HELZ: variants seen among roughly 807,000 people sequenced by gnomAD.
The protein encoded by HELZ is ATP-dependent RNA helicase with zinc finger domain.
HELZ carries 23 observed loss-of-function variants against 218.2 expected under a neutral mutation model. The ratio of observed to expected loss-of-function variants is 0.11; its 90% confidence interval spans 0.08 to 0.15. The LOEUF is 0.15. Ranked by LOEUF, HELZ falls within the 10% of genes least tolerant of loss-of-function variation. The pLI is 1.00. For missense variants in HELZ, 1,813 were observed against 2,353.7 expected, an observed-to-expected ratio of 0.77 and a Z score of 4.75; for synonymous variants, 814 against 829.4, an observed-to-expected ratio of 0.98 and a Z score of 0.32.
At chr17:67,205,241 G>A (rs1165874929) in intron 5 of HELZ, among the ~76,000 whole-genome samples, 4 of 151,590 alleles carry the variant, frequency 2.6e-5, no homozygotes, top group Non-Finnish European at 2.9e-5. Context: ...CAGGAGAACC[G>A]CTTGAACCCA....
At chr17:67,102,040 T>A (rs1446745582) in intron 31 of HELZ, among the ~76,000 whole-genome samples, 1 of 152,250 alleles carries the variant, frequency 6.6e-6, no homozygotes, top group African/African-American at 2.4e-5. Context: ...GACCACAATG[T>A]CCAGCCTTAG....
chr17:67,167,820 T>C (rs1302896293), intron 13 of HELZ, 24 bp from the exon 14 acceptor site: 7 of 1,441,016 alleles, frequency 4.9e-6, no homozygotes, highest in Non-Finnish European at 6.7e-6. Flanking sequence ...AGAAAACTAG[T>C]TTGAATATTT....
intron 31 of HELZ, among the ~76,000 whole-genome samples, chr17:67,091,950 G>T (rs2036585825): frequency 6.6e-6 from 1 of 152,100 alleles, no homozygotes; most frequent in Non-Finnish European, 1.5e-5. Flanking sequence ...GATCAGTACA[G>T]TTCCCTAGAG....
At chr17:67,079,538 T>G (rs1418992814) in intron 32 of HELZ, among the ~76,000 whole-genome samples, 1 of 152,166 alleles carries the variant, frequency 6.6e-6, no homozygotes, top group Non-Finnish European at 1.5e-5. Context: ...AGGTGTACAA[T>G]GGGATGTACG....
At chr17:67,092,115 T>C (rs1201920745) in intron 31 of HELZ, among the ~76,000 whole-genome samples, 1 of 152,220 alleles carries the variant, frequency 6.6e-6, no homozygotes, top group Non-Finnish European at 1.5e-5. Flanking sequence ...TGTAATCTAT[T>C]GAAAAGCACT....
Position 67,078,233 on chromosome 17 carries a change from T to G in HELZ, c.*19A>C. 6 of 1,548,974 alleles carry G rather than the reference T, an allele frequency of 3.9e-6. No homozygotes were observed. The highest frequency in any genetic ancestry group is 1.4e-5 in the African/African-American group (1 of 72,820). ...AAACAGAAATTAAAACATTCTCCCT[T>G]GAGGGAAAAAAAAAGTGATTATTTA... is the stretch of plus-strand genomic sequence containing the variant. On this transcript the variant is annotated 3_prime_UTR_variant, in exon 33 of 33. Coordinates refer to ENST00000358691, the MANE Select transcript of HELZ (RefSeq NM_014877.4).
chr17:67,084,833 C>A (rs2036314660), intron 32 of HELZ, among the ~76,000 whole-genome samples: 1 of 151,636 alleles, frequency 6.6e-6, no homozygotes. Flanking sequence ...TATCCTAGAC[C>A]CTGAAAGTGA....
chr17:67,173,039 G>C (rs1295023816), intron 13 of HELZ: 1 of 982,320 alleles, frequency 1.0e-6, no homozygotes, highest in Non-Finnish European at 1.2e-6. Flanking sequence ...TGTGACATTG[G>C]TTGTGTCTTG....
intron 7 of HELZ, among the ~76,000 whole-genome samples, chr17:67,196,039 A>G (rs1319578519): frequency 6.6e-6 from 1 of 151,734 alleles, no homozygotes; most frequent in Admixed American, 6.6e-5. Flanking sequence ...TTTAGTAGAG[A>G]TGGGGTTTCA....
chr17:67,174,596 C>G (rs2039402597), intron 13 of HELZ, among the ~76,000 whole-genome samples: 1 of 152,182 alleles, frequency 6.6e-6, no homozygotes, highest in East Asian at 1.9e-4. Flanking sequence ...GTCAGGAGTT[C>G]AAGACCAGCC....
intron 4 of HELZ, among the ~76,000 whole-genome samples, chr17:67,217,749 C>T (rs931372515): frequency 6.6e-6 from 1 of 152,118 alleles, no homozygotes; most frequent in Admixed American, 6.6e-5. Context: ...CATGGCTCAC[C>T]CCCTTGCCTC....
chr17:67,107,242 G>T lies in HELZ; in HGVS notation c.5168C>A (p.Ala1723Asp). ...PFVQIQNHQH[A>D]IGQEPFHPLS... ...TGGGTGAAATGGCTCTTGACCAATAGCATGTTGATGATTCTGTATTTGTAC... is the reference window on the plus strand; with the variant it reads ...TGGGTGAAATGGCTCTTGACCAATATCATGTTGATGATTCTGTATTTGTAC... Residue 1723 changes from alanine (A) to aspartate (D), a missense_variant, in exon 31 of 33, where the codon GCT (alanine) becomes GAT (aspartate). Physicochemically the swap from Ala to Asp is moderately radical, Grantham distance 126. Around this residue, in one of 4 missense-constraint regions of HELZ, gnomAD observed 938 missense variants for 1,027.5 expected, o/e 0.91. Coordinates refer to ENST00000358691, the MANE Select transcript of HELZ (RefSeq NM_014877.4). 6.2e-7 allele frequency: 1 copy of T among 1,614,088 alleles called. No homozygotes were observed. The highest frequency in any genetic ancestry group is 1.1e-5 in the South Asian group (1 of 91,080).
At chr17:67,200,724 C>T (rs1598411896) in intron 7 of HELZ, 1 of 172,980 alleles carries the variant, frequency 5.8e-6, no homozygotes, top group African/African-American at 2.4e-5. Context: ...GGTAACAGAG[C>T]GAGACCCTGT....
rs191470699 is a variant in HELZ, at chr17:67,139,192, T to A, written c.2770-1078A>T. 6.9e-4 allele frequency among the ~76,000 whole-genome samples: 105 copies of A among 152,246 alleles called. No individual in the cohort carries two copies. In the East Asian group the frequency reaches 0.018, roughly 26 times the overall value. On this transcript the variant is annotated intron_variant, in intron 21 of 32. Coordinates refer to ENST00000358691, the MANE Select transcript of HELZ (RefSeq NM_014877.4). ...CTACGAAGCAGTTCCCATGTCCAGA[T>A]ACAAATTCAGTGAACTACAGAGGTA... is the stretch of plus-strand genomic sequence containing the variant.
At chr17:67,168,228 C>G (rs1282443121) in intron 13 of HELZ, among the ~76,000 whole-genome samples, 1 of 152,170 alleles carries the variant, frequency 6.6e-6, no homozygotes, top group African/African-American at 2.4e-5. Flanking sequence ...ATCCACCCAC[C>G]TCTGCCTCCC....
intron 15 of HELZ, among the ~76,000 whole-genome samples, chr17:67,165,998 C>T (rs2039131968): frequency 6.6e-6 from 1 of 152,062 alleles, no homozygotes; most frequent in African/African-American, 2.4e-5. Flanking sequence ...CAGCCAGACA[C>T]AGTGGCATGT....
chr17:67,135,739 T>C (rs2038128462), intron 23 of HELZ, among the ~76,000 whole-genome samples: 1 of 152,220 alleles, frequency 6.6e-6, no homozygotes, highest in African/African-American at 2.4e-5. Flanking sequence ...GAAGAGTGCT[T>C]AGAACCTAGA....
chr17:67,096,031 A>C (rs2036733652), intron 31 of HELZ, among the ~76,000 whole-genome samples: 1 of 152,226 alleles, frequency 6.6e-6, no homozygotes, highest in Admixed American at 6.5e-5. Flanking sequence ...AGCAGGCATG[A>C]AAACAACATT....
Position 67,108,646 on chromosome 17 carries a change from A to G in HELZ, c.4570T>C (p.Phe1524Leu). The G allele has an allele frequency of 6.2e-7, 1 of 1,614,084 alleles. No individual in the cohort carries two copies. Among genetic ancestry groups the G allele is most frequent in the African/African-American group, 1.3e-5 (1 of 75,010 alleles). ...TATGGAGCGCTGCCCTGACTGAGAA[A>G]GGCATGATGCTCGCTCCACTGCTGG... ...RFQQWSEHHAFLSQGSAPYPH... is the reference protein window; with the variant it reads ...RFQQWSEHHALLSQGSAPYPH... Residue 1524 changes from phenylalanine to leucine, a missense_variant, in exon 30 of 33, where the codon TTT becomes CTT. By Grantham distance (22) the Phe-to-Leu change is conservative (BLOSUM62 0). Coordinates refer to ENST00000358691, the MANE Select transcript of HELZ (RefSeq NM_014877.4). The surrounding 1 kb of genome is among the most constrained non-coding windows in gnomAD (Gnocchi z 4.1).
Sources: allele counts gnomAD v4.1 joint callset (sites outside exome capture counted in the v4.1 genomes callset), GRCh38; gene constraint gnomAD v4.1.1; regional missense constraint gnomAD v4.1.1; non-coding constraint Gnocchi (gnomAD v3.1); transcripts MANE v1.5; gene names NCBI Gene and HGNC (gene_info 2026-07-23, HGNC 2026-07-21).